Variants in ADGRA2 observed in about 807,000 individuals in gnomAD.
The protein encoded by ADGRA2 is G-protein coupled receptor 124.
Under a neutral mutation model 98.7 loss-of-function variants are expected in ADGRA2, and 61 were observed. The ratio of observed to expected loss-of-function variants is 0.62; its 90% CI spans 0.50 to 0.76. ADGRA2 has a LOEUF of 0.76. ADGRA2 is among the 30% of genes least tolerant of loss of function. The pLI is 0.00. For synonymous variants in ADGRA2, 858 were observed against 831.5 expected (o/e 1.03, Z -0.55); for missense variants, 1,712 against 1,860.0 (o/e 0.92, Z 1.46).
At chr8:37,809,588 G>A (rs1804768856) in intron 1 of ADGRA2, among the ~76,000 whole-genome samples, 1 of 152,248 alleles carries the variant, frequency 6.6e-6, no homozygotes, top group Non-Finnish European at 1.5e-5. Context: ...GCCCCTTGGA[G>A]GAGAAGGATG....
Position 37,830,086 on chromosome 8 carries a change from G to A in ADGRA2, c.718+72G>A. ...CCACCAACCCAGGGCCCAGACACGA[G>A]CCTCCCCTCAGACCCACAGGTTTTT... On this transcript the variant is annotated intron_variant, in intron 6 of 18. Transcript: ENST00000412232. The surrounding 1 kb of genome is among the most constrained non-coding windows in gnomAD (Gnocchi z 4.8). 1 of 1,043,932 alleles carries A rather than the reference G, an allele frequency of 9.6e-7. No homozygotes were observed. The highest frequency in any genetic ancestry group is 1.3e-6 in the Non-Finnish European group (1 of 743,376). 64.7% of individuals were successfully genotyped at this position (1,043,932 alleles called of 1,614,324 possible). A position where few individuals can be genotyped will look rare whatever the true frequency, so the allele number is the denominator to read the frequency against.
Position 37,841,959 on chromosome 8 carries a change from C to A in ADGRA2, c.3621C>A (p.Gly1207=). Residue 1207 remains glycine, a synonymous_variant, in exon 19 of 19, where the codon GGC becomes GGA. Transcript: ENST00000412232. This position sits in a 1 kb window ranked among gnomAD's most constrained non-coding sequence, Gnocchi z 5.0. ...ACCGGCTCAAGGCCCTGCGCGGGGG[C>A]GCGGCGGGGGCGCTGGAGCTGCTGT... The part of the protein sequence containing the change: ...GKNRLKALRG[G]AAGALELLSS... 6.7e-7 allele frequency: 1 copy of A among 1,502,284 alleles called. No individual in the cohort carries two copies. Among genetic ancestry groups the A allele is most frequent in the Non-Finnish European group, 8.8e-7 (1 of 1,134,568 alleles). 93.1% of individuals were successfully genotyped at this position (1,502,284 alleles called of 1,614,324 possible).
intron 2 of ADGRA2, among the ~76,000 whole-genome samples, chr8:37,817,164 G>A (rs1228480494): frequency 3.3e-5 from 5 of 152,138 alleles, no homozygotes; most frequent in Admixed American, 6.6e-5. Flanking sequence ...CCAAGCCCCC[G>A]AAGCTGGGAG....
At position 37,814,928 on chromosome 8, in the gene ADGRA2, G is replaced by A. The variant is rs755065757; in HGVS notation, c.299G>A (p.Arg100His). The A allele has an allele frequency of 9.3e-6, 15 of 1,613,008 alleles. No homozygotes were observed. Among genetic ancestry groups the A allele is most frequent in the Admixed American group, 3.3e-5 (2 of 59,996 alleles). The change falls in exon 2 of 19, where the codon CGC (arginine) becomes CAC (histidine). Residue 100 changes from arginine (R) to histidine (H), a missense_variant. Transcript: ENST00000412232. This position sits in a 1 kb window ranked among gnomAD's most constrained non-coding sequence, Gnocchi z 4.3. The stretch of plus-strand genomic sequence containing the variant: ...AGCAATAACAAGATCACGGGGCTCC[G>A]CAATGGCTCCTTCCTGGGACTGTCA... ...LLSNNKITGL[R>H]NGSFLGLSLL...
At chr8:37,831,328 G>A in intron 7 of ADGRA2, 95 bp from the exon 8 acceptor site, 1 of 1,135,102 alleles carries the variant, frequency 8.8e-7, no homozygotes, top group Non-Finnish European at 1.3e-6. Flanking sequence ...AAAGAAAAAA[G>A]GACCTGCAGC....
In ADGRA2 at chr8:37,841,405, G is replaced by T. The variant is rs755354731; in HGVS notation, c.3067G>T (p.Val1023Leu). The change falls in exon 19 of 19, where the codon GTG (valine) becomes TTG (leucine). Residue 1023 changes from valine (V) to leucine (L), a missense_variant. Coordinates refer to ENST00000412232, the MANE Select transcript of ADGRA2 (RefSeq NM_032777.10). The surrounding 1 kb of genome is among the most constrained non-coding windows in gnomAD (Gnocchi z 5.0). ...YSPGVQLGALVTTHFLYLAMW... is the reference protein window; with the variant it reads ...YSPGVQLGALLTTHFLYLAMW... ...TCCGGGAGTCCAGCTAGGGGCGCTG[G>T]TGACCACGCACTTCCTGTACTTGGC... 148 of 1,612,764 alleles carry T rather than the reference G, an allele frequency of 9.2e-5. No homozygotes were observed. The highest frequency in any genetic ancestry group is 1.2e-4 in the Non-Finnish European group (140 of 1,179,812).
intron 2 of ADGRA2, 46 bp from the exon 3 acceptor site, chr8:37,828,842 G>T (rs752721189): frequency 1.3e-6 from 2 of 1,505,564 alleles, no homozygotes; most frequent in African/African-American, 2.8e-5. Context: ...GAGCAGGGCG[G>T]CTCCAGCGGG....
intron 2 of ADGRA2, among the ~76,000 whole-genome samples, chr8:37,819,021 G>C (rs1299887732): frequency 2.0e-5 from 3 of 152,120 alleles, no homozygotes; most frequent in Admixed American, 6.5e-5. Context: ...GGCAAAGCGA[G>C]CCAGGGGGAG....
intron 1 of ADGRA2, among the ~76,000 whole-genome samples, chr8:37,801,015 TG>T (rs1804486075): frequency 6.6e-6 from 1 of 152,128 alleles, no homozygotes; most frequent in South Asian, 2.1e-4. Context: ...GTCTGAGTGC[TG>T]GGGGCTGTTC....
Position 37,829,344 on chromosome 8 carries a change from G to A in ADGRA2, c.482+12G>A, listed in dbSNP as rs1443942379. 1.2e-6 allele frequency: 2 copies of A among 1,609,706 alleles called. No homozygotes were observed. The highest frequency in any genetic ancestry group is 8.5e-7 in the Non-Finnish European group (1 of 1,176,316). ...AGGCTTCTCCGACTGTAAGTGATGG[G>A]GTGAGAAGTGGGGAGGGGAGGAGAG... On this transcript the variant is annotated intron_variant, in intron 4 of 18. Coordinates refer to ENST00000412232, the MANE Select transcript of ADGRA2 (RefSeq NM_032777.10).
At position 37,809,555 on chromosome 8, in the gene ADGRA2, G is replaced by A. The variant is rs539263578; in HGVS notation, c.267-5341G>A. ...CAATCTGCCTGAGGTCTTTCCAAGA[G>A]CTAGAAATTTGGCAAGAAGGGGGCC... On this transcript the variant is annotated intron_variant, in intron 1 of 18. Coordinates refer to ENST00000412232, the MANE Select transcript of ADGRA2 (RefSeq NM_032777.10). 3.9e-5 allele frequency among the ~76,000 whole-genome samples: 6 copies of A among 152,346 alleles called. No individual in the cohort carries two copies. The South Asian group carries it at 1.2e-3, about 32-fold the overall frequency.
At position 37,841,052 on chromosome 8, in the gene ADGRA2, C is replaced by A; in HGVS notation, c.2748-34C>A. On this transcript the variant is annotated intron_variant, in intron 18 of 18. Transcript: ENST00000412232. This position sits in a 1 kb window ranked among gnomAD's most constrained non-coding sequence, Gnocchi z 5.0. Reference sequence around the variant, plus strand: ...CCCCAGCCCCACCCCAGCCATGCCCCCTGTCCTCATCACTGCTTCTGTGTC... The same window carrying A: ...CCCCAGCCCCACCCCAGCCATGCCCACTGTCCTCATCACTGCTTCTGTGTC... 1 of 1,567,784 alleles carries A rather than the reference C, an allele frequency of 6.4e-7. No individual in the cohort carries two copies. The highest frequency in any genetic ancestry group is 1.2e-5 in the South Asian group (1 of 83,870).
rs1356503033 is a variant in ADGRA2 at position 37,834,494 on chromosome 8, TA to T, written c.1608+368del. The stretch of plus-strand genomic sequence containing the variant: ...AGAGAAGGTGAGTGCTCCAATCTGA[TA>T]ACAACCACAGTACAGCATCGTGTAT... On this transcript the variant is annotated intron_variant, in intron 11 of 18. Coordinates refer to ENST00000412232, the MANE Select transcript of ADGRA2 (RefSeq NM_032777.10). This position sits in a 1 kb window ranked among gnomAD's most constrained non-coding sequence, Gnocchi z 4.2. Among the ~76,000 whole-genome samples the T allele has an allele frequency of 6.6e-6, 1 of 152,192 alleles. No individual in the cohort carries two copies. The highest frequency in any genetic ancestry group is 1.5e-5 in the Non-Finnish European group (1 of 68,028).
At position 37,842,565 on chromosome 8, in the gene ADGRA2, G is replaced by T; in HGVS notation, c.*210G>T. 1.2e-6 allele frequency: 1 copy of T among 821,888 alleles called. No homozygotes were observed. The highest frequency in any genetic ancestry group is 1.7e-6 in the Non-Finnish European group (1 of 595,252). The allele number at this position is 821,888 out of a possible 1,614,324, so 50.9% of individuals were successfully genotyped here. ...CCAGAAACACGCATAATACATTTCC[G>T]TCCAGCCCGGGGCAGTCTGACTGTC... is the stretch of plus-strand genomic sequence containing the variant. On this transcript the variant is annotated 3_prime_UTR_variant, in exon 19 of 19. Coordinates refer to ENST00000412232, the MANE Select transcript of ADGRA2 (RefSeq NM_032777.10).
At chr8:37,838,161 C>T (rs1805673372) in intron 14 of ADGRA2, among the ~76,000 whole-genome samples, 1 of 152,108 alleles carries the variant, frequency 6.6e-6, no homozygotes, top group African/African-American at 2.4e-5. Flanking sequence ...ATGCCTATAT[C>T]CAGATAGTTG....
At chr8:37,828,387 C>T (rs1168712502) in intron 2 of ADGRA2, among the ~76,000 whole-genome samples, 1 of 152,034 alleles carries the variant, frequency 6.6e-6, no homozygotes, top group Non-Finnish European at 1.5e-5. Context: ...CTTGTGATCC[C>T]ATCTCTTGGC....
chr8:37,817,525 T>A (rs1212574175), intron 2 of ADGRA2, among the ~76,000 whole-genome samples: 3 of 151,364 alleles, frequency 2.0e-5, no homozygotes, highest in African/African-American at 7.3e-5. Flanking sequence ...GGCAACATAA[T>A]GAGACCCTGT....
In ADGRA2 at chr8:37,842,369, A is replaced by T. The variant is rs1231539092; in HGVS notation, c.*14A>T. The stretch of plus-strand genomic sequence containing the variant: ...ACTACCGTCTAAGGTGGGGCGGGCG[A>T]CGCGGTAGACGGGCTGGCCACGCGG... On this transcript the variant is annotated 3_prime_UTR_variant, in exon 19 of 19. Transcript: ENST00000412232. 3 of 1,450,008 alleles carry T rather than the reference A, an allele frequency of 2.1e-6. No individual in the cohort carries two copies. The highest frequency in any genetic ancestry group is 2.7e-6 in the Non-Finnish European group (3 of 1,103,332). The allele number at this position is 1,450,008 out of a possible 1,614,324, so 89.8% of individuals were successfully genotyped here. A position where few individuals can be genotyped will look rare whatever the true frequency, so the allele number is the denominator to read the frequency against.
At chr8:37,807,051 C>T (rs1025098848) in intron 1 of ADGRA2, among the ~76,000 whole-genome samples, 2 of 152,180 alleles carry the variant, frequency 1.3e-5, no homozygotes, top group East Asian at 1.9e-4. Flanking sequence ...GGGCCTCCAG[C>T]CCTGCCTGGA....
Sources: gnomAD v4.1 joint callset for allele counts (sites outside exome capture counted in the v4.1 genomes callset) on GRCh38, gnomAD v4.1.1 for gene constraint, Gnocchi (gnomAD v3.1) non-coding constraint, MANE v1.5 for transcripts, NCBI Gene and HGNC (gene_info 2026-07-23, HGNC 2026-07-21) for gene names.